The following ELOVL6 variants were observed in gnomAD, a reference collection of about 807,000 sequenced individuals.
ELOVL6 encodes the protein ELOVL fatty acid elongase 6, also known as very long chain fatty acid elongase 6.
In ELOVL6, 8 loss-of-function variants were observed where a neutral mutation model predicts 31.7. The observed-to-expected ratio is 0.25, with a 90% CI of 0.15 to 0.45. ELOVL6 has a LOEUF of 0.45. Among genes scored for constraint, ELOVL6 ranks in the 20% least tolerant of loss-of-function variants. The pLI is 1.00. For missense variants in ELOVL6, 126 were observed against 326.4 expected (o/e 0.39, Z 4.73); for synonymous variants, 101 against 117.7 (o/e 0.86, Z 0.92).
At chr4:110,068,161 A>T (rs763604903) in intron 2 of ELOVL6, among the ~76,000 whole-genome samples, 5 of 152,254 alleles carry the variant, frequency 3.3e-5, no homozygotes, top group African/African-American at 4.8e-5. Context: ...GATAAGGAAG[A>T]CAGAGGACAG....
At chr4:110,179,489 A>G (rs771507828) in intron 1 of ELOVL6, among the ~76,000 whole-genome samples, 2 of 152,220 alleles carry the variant, frequency 1.3e-5, no homozygotes, top group Admixed American at 6.5e-5. Flanking sequence ...CTGGGCAACA[A>G]GAGCAAAATT....
At chr4:110,189,894 G>A (rs1208386168) in intron 1 of ELOVL6, among the ~76,000 whole-genome samples, 1 of 151,358 alleles carries the variant, frequency 6.6e-6, no homozygotes, top group Non-Finnish European at 1.5e-5. Context: ...GTGAACCCGG[G>A]AGGCAGAGCT....
intron 2 of ELOVL6, among the ~76,000 whole-genome samples, chr4:110,069,668 G>C (rs1156509074): frequency 6.6e-6 from 1 of 152,228 alleles, no homozygotes; most frequent in Non-Finnish European, 1.5e-5. Flanking sequence ...CTAAGTAGCA[G>C]AATCTTCTGT....
intron 1 of ELOVL6, among the ~76,000 whole-genome samples, chr4:110,111,447 T>C (rs1757033633): frequency 6.6e-6 from 1 of 151,912 alleles, no homozygotes; most frequent in African/African-American, 2.4e-5. Flanking sequence ...TTTTCTTCTG[T>C]TAGGTTTAAG....
intron 1 of ELOVL6, among the ~76,000 whole-genome samples, chr4:110,118,564 G>T (rs941259781): frequency 1.3e-5 from 2 of 152,112 alleles, no homozygotes; most frequent in Admixed American, 6.5e-5. Context: ...GTTTATCCAT[G>T]TAGTCACAAA....
chr4:110,058,808 G>T (rs916951017), intron 3 of ELOVL6, among the ~76,000 whole-genome samples: 1 of 152,004 alleles, frequency 6.6e-6, no homozygotes, highest in Admixed American at 6.5e-5. Context: ...GAGGTGACCA[G>T]GTTTGCCTTA....
At chr4:110,100,567 A>G (rs1756713028) in intron 2 of ELOVL6, among the ~76,000 whole-genome samples, 1 of 152,138 alleles carries the variant, frequency 6.6e-6, no homozygotes, top group Non-Finnish European at 1.5e-5. Flanking sequence ...AGTGTATGGC[A>G]TCTGGAAATT....
At chr4:110,175,241 C>T (rs750815862) in intron 1 of ELOVL6, among the ~76,000 whole-genome samples, 12 of 151,786 alleles carry the variant, frequency 7.9e-5, no homozygotes, top group Non-Finnish European at 1.3e-4. Flanking sequence ...AAATTAGCCA[C>T]GCGTGGTGGT....
intron 2 of ELOVL6, among the ~76,000 whole-genome samples, chr4:110,084,949 G>A (rs1341923500): frequency 6.6e-6 from 1 of 151,998 alleles, no homozygotes; most frequent in East Asian, 1.9e-4. Flanking sequence ...ATTGGCCTGA[G>A]CAACAGGGTG....
chr4:110,190,625 C>T (rs1759585837), intron 1 of ELOVL6, among the ~76,000 whole-genome samples: 1 of 152,006 alleles, frequency 6.6e-6, no homozygotes, highest in Admixed American at 6.5e-5. Flanking sequence ...CTGCCTCAGC[C>T]CCTGGAGTAG....
At chr4:110,084,555 C>CAGATATATATAT (rs1560815738) in intron 2 of ELOVL6, among the ~76,000 whole-genome samples, 5 of 58,328 alleles carry the variant, frequency 8.6e-5, no homozygotes, top group African/African-American at 5.1e-4. Context: ...CACACACACA[C>CAGATATATATAT]ACACACAGAT....
intron 2 of ELOVL6, among the ~76,000 whole-genome samples, chr4:110,090,142 T>A (rs922848348): frequency 6.6e-6 from 1 of 152,238 alleles, no homozygotes; most frequent in South Asian, 2.1e-4. Context: ...CAATGAATGA[T>A]GTCTATTGTT....
At chr4:110,124,901 T>C (rs1401024763) in intron 1 of ELOVL6, among the ~76,000 whole-genome samples, 1 of 152,160 alleles carries the variant, frequency 6.6e-6, no homozygotes, top group African/African-American at 2.4e-5. Context: ...TGCAAAAAAG[T>C]ATAATGATTT....
intron 1 of ELOVL6, among the ~76,000 whole-genome samples, chr4:110,163,965 C>T (rs545369339): frequency 9.9e-5 from 15 of 152,250 alleles, no homozygotes; most frequent in African/African-American, 3.6e-4. Flanking sequence ...TGTGACATGA[C>T]ATTTCTGAAT....
At chr4:110,100,662 G>A (rs1456810819) in intron 2 of ELOVL6, among the ~76,000 whole-genome samples, 1 of 152,146 alleles carries the variant, frequency 6.6e-6, no homozygotes, top group Non-Finnish European at 1.5e-5. Flanking sequence ...CCTAAGCAGT[G>A]AAATACACAA....
At chr4:110,094,946 C>T (rs932511590) in intron 2 of ELOVL6, among the ~76,000 whole-genome samples, 1 of 152,092 alleles carries the variant, frequency 6.6e-6, no homozygotes, top group African/African-American at 2.4e-5. Context: ...GTTCCAAGGA[C>T]AGCAAGACAC....
At chr4:110,175,614 G>A (rs1469235566) in intron 1 of ELOVL6, among the ~76,000 whole-genome samples, 3 of 152,110 alleles carry the variant, frequency 2.0e-5, no homozygotes, top group African/African-American at 7.2e-5. Flanking sequence ...TATCAGGTTA[G>A]TTTATTATTA....
rs1754710304 is a variant in ELOVL6, at chr4:110,046,956, G to T, written c.*4382C>A. On this transcript the variant is annotated 3_prime_UTR_variant, in exon 4 of 4. Transcript: ENST00000302274. ...GATAGCAATGAGTCTGAGGCACAAA[G>T]AATCAGGTGTTGTATAGAAAAGACA... 1 of 152,204 alleles carries T rather than the reference G, an allele frequency of 6.6e-6. No individual in the cohort carries two copies. 9.4% of individuals were successfully genotyped at this position (152,204 alleles called of 1,614,324 possible). A position where few individuals can be genotyped will look rare whatever the true frequency, so the allele number is the denominator to read the frequency against.
Position 110,047,967 on chromosome 4 carries a change from C to T in ELOVL6, c.*3371G>A, listed in dbSNP as rs1405092215. 1 of 151,474 alleles carries T rather than the reference C, an allele frequency of 6.6e-6. No individual in the cohort carries two copies. The highest frequency in any genetic ancestry group is 1.5e-5 in the Non-Finnish European group (1 of 67,960). 9.4% of individuals were successfully genotyped at this position (151,474 alleles called of 1,614,324 possible). ...TCTTCTAGGTTCCCACTGTCTTTCC[C>T]ATCAATTCTACAAAACCCACTCATA... On this transcript the variant is annotated 3_prime_UTR_variant, in exon 4 of 4. Transcript: ENST00000302274.
Sources: allele counts gnomAD v4.1 joint callset (sites outside exome capture counted in the v4.1 genomes callset), GRCh38; gene constraint gnomAD v4.1.1; transcripts MANE v1.5; gene names NCBI Gene and HGNC (gene_info 2026-07-23, HGNC 2026-07-21).